Variants in VPS54 observed in about 807,000 individuals in gnomAD.
VPS54 encodes the protein VPS54 subunit of GARP complex.
VPS54 carries 45 observed loss-of-function variants against 121.5 expected under a neutral mutation model. The observed-to-expected ratio is 0.37, with a 90% CI of 0.29 to 0.47. The LOEUF (loss-of-function observed/expected upper bound fraction) is 0.47, where lower values mean the gene tolerates loss of function less well. Ranked by LOEUF, VPS54 falls within the 20% of genes least tolerant of loss-of-function variation. The pLI is 0.99. For synonymous variants in VPS54, 371 were observed against 385.8 expected, an observed-to-expected ratio of 0.96 and a Z score of 0.45; for missense variants, 1,090 against 1,131.4, an observed-to-expected ratio of 0.96 and a Z score of 0.52.
At chr2:63,947,072 T>C (rs1419872865) in intron 9 of VPS54, among the ~76,000 whole-genome samples, 1 of 151,852 alleles carries the variant, frequency 6.6e-6, no homozygotes, top group Non-Finnish European at 1.5e-5. Context: ...TACACAATCA[T>C]TAAAAATGAT....
At chr2:63,960,408 AACT>A (rs1033907948) in intron 7 of VPS54, among the ~76,000 whole-genome samples, 47 of 152,174 alleles carry the variant, frequency 3.1e-4, no homozygotes, top group African/African-American at 1.1e-3. Flanking sequence ...ATAAATCATA[AACT>A]ACTGAGAATA....
At chr2:63,900,279 G>A (rs1159608306) in intron 20 of VPS54, among the ~76,000 whole-genome samples, 1 of 138,194 alleles carries the variant, frequency 7.2e-6, no homozygotes, top group Non-Finnish European at 1.6e-5. Flanking sequence ...GAAATCAACA[G>A]AAAAATCTGG....
At chr2:63,968,572 A>T (rs1676121023) in intron 5 of VPS54, among the ~76,000 whole-genome samples, 1 of 152,090 alleles carries the variant, frequency 6.6e-6, no homozygotes, top group Non-Finnish European at 1.5e-5. Context: ...CAAAAAAAGT[A>T]GCTGGGCATG....
chr2:64,017,269 G>A (rs1370172501), intron 1 of VPS54, among the ~76,000 whole-genome samples: 91 of 151,286 alleles, frequency 6.0e-4, no homozygotes, highest in East Asian at 3.9e-4. Context: ...GCCGGTAGGC[G>A]GAGGTTGCGG....
chr2:63,978,357 G>A (rs904290514), intron 3 of VPS54, among the ~76,000 whole-genome samples: 6 of 152,326 alleles, frequency 3.9e-5, no homozygotes, highest in South Asian at 2.1e-4. Flanking sequence ...GAAGCATACG[G>A]TACAATATTT....
Position 63,912,432 on chromosome 2 carries a change from T to C in VPS54, c.2545-7A>G, listed in dbSNP as rs1321693405. 1 of 1,612,210 alleles carries C rather than the reference T, an allele frequency of 6.2e-7. No individual in the cohort carries two copies. Among genetic ancestry groups the C allele is most frequent in the Non-Finnish European group, 8.5e-7 (1 of 1,178,934 alleles). Reference sequence around the variant, plus strand: ...CTATGTGATCATGGTAGTCCTGCAATGAGAAATGATAATTGTATTTTTAAG... The same window carrying C: ...CTATGTGATCATGGTAGTCCTGCAACGAGAAATGATAATTGTATTTTTAAG... On this transcript the variant is annotated splice_region_variant and splice_polypyrimidine_tract_variant and intron_variant, in intron 19 of 22. Transcript: ENST00000272322.
In VPS54 at chr2:63,985,611, A is replaced by T. The variant is rs1677012803; in HGVS notation, c.-20-1592T>A. Among the ~76,000 whole-genome samples, 3 of 152,210 alleles carry T rather than the reference A, an allele frequency of 2.0e-5. No individual in the cohort carries two copies. The South Asian group carries it at 6.2e-4, about 32-fold the overall frequency. ...TGAACACTGAATAATCAATCATAAGACTAAGGAACTGACTATAGTGGAAAC... is the reference window on the plus strand; with the variant it reads ...TGAACACTGAATAATCAATCATAAGTCTAAGGAACTGACTATAGTGGAAAC... On this transcript the variant is annotated intron_variant, in intron 1 of 22. Transcript: ENST00000272322.
At chr2:63,984,491 C>T (rs1366670374) in intron 1 of VPS54, among the ~76,000 whole-genome samples, 3 of 152,156 alleles carry the variant, frequency 2.0e-5, no homozygotes, top group Non-Finnish European at 4.4e-5. Flanking sequence ...CATCAACATC[C>T]TGTTACCAAT....
In VPS54 at chr2:63,968,098, T is replaced by C. The variant is rs181998228; in HGVS notation, c.492+859A>G. Among the ~76,000 whole-genome samples the C allele has an allele frequency of 6.6e-3, 995 of 151,572 alleles. 4 individuals are homozygous for C. Among genetic ancestry groups the C allele is most frequent in the Non-Finnish European group, 8.6e-3 (583 of 68,022 alleles). On this transcript the variant is annotated intron_variant, in intron 5 of 22. Transcript: ENST00000272322. ...ATAAATGATATAAATGATATCCTTC[T>C]ACCTTTTTTGTGTCTTTCATCTCTT...
chr2:64,006,061 T>C (rs1036160219), intron 1 of VPS54, among the ~76,000 whole-genome samples: 5 of 152,216 alleles, frequency 3.3e-5, no homozygotes, highest in Non-Finnish European at 4.4e-5. Context: ...TAAAATAAAT[T>C]ATGTGATTAT....
chr2:63,994,399 C>G (rs1295001565), intron 1 of VPS54, among the ~76,000 whole-genome samples: 1 of 152,142 alleles, frequency 6.6e-6, no homozygotes, highest in Non-Finnish European at 1.5e-5. Flanking sequence ...GCTTATGTGC[C>G]TTTTCCTCCA....
In VPS54 at chr2:63,984,070, G is replaced by A. The variant is rs1676929463; in HGVS notation, c.-20-51C>T. On this transcript the variant is annotated intron_variant, in intron 1 of 22. Transcript: ENST00000272322. Reference sequence around the variant, plus strand: ...TAAGACACCGCAAATCAAAATCCAAGTATTATACATGTCACAAATTTTCTT... The same window carrying A: ...TAAGACACCGCAAATCAAAATCCAAATATTATACATGTCACAAATTTTCTT... 2.9e-6 allele frequency: 4 copies of A among 1,403,410 alleles called. No homozygotes were observed. The South Asian group carries it at 7.2e-5, about 25-fold the overall frequency. The allele number at this position is 1,403,410 out of a possible 1,614,324, so 86.9% of individuals were successfully genotyped here.
intron 20 of VPS54, among the ~76,000 whole-genome samples, chr2:63,903,309 A>G (rs1441254433): frequency 6.6e-5 from 10 of 152,232 alleles, no homozygotes; most frequent in Admixed American, 5.2e-4. Flanking sequence ...TAGCAAAAAT[A>G]TCTTTGAAAA....
rs1676749276 is a variant in VPS54 at position 63,980,303 on chromosome 2, A to G, written c.378+1343T>C. Among the ~76,000 whole-genome samples the G allele has an allele frequency of 1.1e-4, 16 of 152,118 alleles. 1 individual carries two copies. In the South Asian group the frequency reaches 3.3e-3, roughly 32 times the overall value. On this transcript the variant is annotated intron_variant, in intron 3 of 22. Transcript: ENST00000272322. ...CTGACTACTGTTAAGCATGGTATATATTTTTTCCTCCTTTCAAATGCTTTT... is the reference window on the plus strand; with the variant it reads ...CTGACTACTGTTAAGCATGGTATATGTTTTTTCCTCCTTTCAAATGCTTTT...
At chr2:63,940,036 G>A (rs1354131576) in intron 11 of VPS54, among the ~76,000 whole-genome samples, 1 of 152,142 alleles carries the variant, frequency 6.6e-6, no homozygotes, top group African/African-American at 2.4e-5. Context: ...AATTACAGGT[G>A]TGAGCCATGG....
At position 63,995,979 on chromosome 2, in the gene VPS54, T is replaced by C. The variant is rs34362822; in HGVS notation, c.-20-11960A>G. Reference sequence around the variant, plus strand: ...AACCCCACAACTTGGATTAAGTCTATTGGGGGCTCCACTGTAGTAAATTTC... The same window carrying C: ...AACCCCACAACTTGGATTAAGTCTACTGGGGGCTCCACTGTAGTAAATTTC... On this transcript the variant is annotated intron_variant, in intron 1 of 22. Coordinates refer to ENST00000272322, the MANE Select transcript of VPS54 (RefSeq NM_016516.3). Among the ~76,000 whole-genome samples the C allele has an allele frequency of 3.0e-3, 458 of 152,324 alleles. 1 individual carries two copies. The highest frequency in any genetic ancestry group is 4.3e-3 in the Non-Finnish European group (292 of 68,030).
intron 22 of VPS54, among the ~76,000 whole-genome samples, chr2:63,895,362 G>A (rs923739898): frequency 3.9e-5 from 6 of 152,206 alleles, no homozygotes; most frequent in African/African-American, 1.4e-4. Flanking sequence ...GCTGAGGCAG[G>A]AGAATTGCTT....
intron 4 of VPS54, 69 bp downstream of exon 4, chr2:63,972,097 C>A (rs1466162948): frequency 8.5e-6 from 9 of 1,055,326 alleles, no homozygotes; most frequent in Non-Finnish European, 7.8e-6. Flanking sequence ...AATAAGGTCC[C>A]AAAATAAAGA....
chr2:63,906,074 T>A (rs1279040791), intron 20 of VPS54, among the ~76,000 whole-genome samples: 2 of 152,138 alleles, frequency 1.3e-5, no homozygotes, highest in African/African-American at 4.8e-5. Context: ...ACAGCTAACA[T>A]CATACTTAAT....
Sources: gnomAD v4.1 joint callset for allele counts (sites outside exome capture counted in the v4.1 genomes callset) on GRCh38, gnomAD v4.1.1 for gene constraint, MANE v1.5 for transcripts, NCBI Gene and HGNC (gene_info 2026-07-23, HGNC 2026-07-21) for gene names.